Variants in SMAP2 observed in about 807,000 individuals in gnomAD.
SMAP2 encodes stromal membrane-associated protein 2.
Under a neutral mutation model 56.4 loss-of-function variants are expected in SMAP2, and 25 were observed. The observed-to-expected ratio is 0.44, with a 90% CI of 0.32 to 0.62. SMAP2 has a LOEUF of 0.62. SMAP2 is among the 20% of genes least tolerant of loss of function. The pLI is 0.04. For synonymous variants in SMAP2, 157 were observed against 181.7 expected (o/e 0.86, Z 1.09); for missense variants, 388 against 545.6 (o/e 0.71, Z 2.88).
At chr1:40,379,476 A>G (rs995919194) in intron 1 of SMAP2, among the ~76,000 whole-genome samples, 5 of 148,090 alleles carry the variant, frequency 3.4e-5, no homozygotes, top group Non-Finnish European at 7.4e-5. Context: ...CTTTGAAGGT[A>G]TTTTCTAAGG....
At chr1:40,393,310 G>A in intron 1 of SMAP2, 1 of 1,518,252 alleles carries the variant, frequency 6.6e-7, no homozygotes, top group African/African-American at 1.4e-5. Context: ...CCCTATCTTA[G>A]AAGAACAAAC....
chr1:40,349,101 A>G (rs1337164208), intron 1 of SMAP2, among the ~76,000 whole-genome samples: 1 of 152,150 alleles, frequency 6.6e-6, no homozygotes, highest in Non-Finnish European at 1.5e-5. Flanking sequence ...GTGCTTGCTC[A>G]TATTATCTTC....
In SMAP2 at chr1:40,409,758, G is replaced by A; in HGVS notation, c.325G>A (p.Ala109Thr). ...ETFRRPQIDP[A>T]VEGFIRDKYE... ...TCATCCTTAATAAGCTTTTTGCAGAGCTGTTGAAGGATTTATTCGAGACAA... is the reference window on the plus strand; with the variant it reads ...TCATCCTTAATAAGCTTTTTGCAGAACTGTTGAAGGATTTATTCGAGACAA... The change falls in exon 4 of 10, where the codon GCT (alanine) becomes ACT (threonine). Residue 109 changes from alanine to threonine, a missense_variant and splice_region_variant. By Grantham distance (58) the Ala-to-Thr change is moderately conservative (BLOSUM62 0). Transcript: ENST00000372718. 1 of 1,608,372 alleles carries A rather than the reference G, an allele frequency of 6.2e-7. No individual in the cohort carries two copies. The highest frequency in any genetic ancestry group is 8.5e-7 in the Non-Finnish European group (1 of 1,174,974).
rs182704955 is a variant in SMAP2, at chr1:40,407,067, C to T, written c.237+198C>T. Among the ~76,000 whole-genome samples, 5 of 152,250 alleles carry T rather than the reference C, an allele frequency of 3.3e-5. No individual in the cohort carries two copies. In the East Asian group the frequency reaches 9.6e-4, roughly 29 times the overall value. ...TACAAGTTATTCTACCTATATTTTACCTCCTTAAAAACAGAAATAGTCTAC... is the reference window on the plus strand; with the variant it reads ...TACAAGTTATTCTACCTATATTTTATCTCCTTAAAAACAGAAATAGTCTAC... On this transcript the variant is annotated intron_variant, in intron 2 of 9. Coordinates refer to ENST00000372718, the MANE Select transcript of SMAP2 (RefSeq NM_022733.3).
rs28403577 is a variant in SMAP2 at position 40,413,962 on chromosome 1, C to G, written c.490-197C>G. Reference sequence around the variant, plus strand: ...AATCACAGGCGATATCTTTGTTTTTCATTTTAGGTTTGGTTTATGCACTTC... The same window carrying G: ...AATCACAGGCGATATCTTTGTTTTTGATTTTAGGTTTGGTTTATGCACTTC... On this transcript the variant is annotated intron_variant, in intron 5 of 9. Coordinates refer to ENST00000372718, the MANE Select transcript of SMAP2 (RefSeq NM_022733.3). 363 of 549,364 alleles carry G rather than the reference C, an allele frequency of 6.6e-4. 3 individuals carry two copies. In the East Asian group the frequency reaches 8.5e-3, roughly 13 times the overall value. 34.0% of individuals were successfully genotyped at this position (549,364 alleles called of 1,614,324 possible).
rs186627476 is a variant in SMAP2 at position 40,407,319 on chromosome 1, C to G, written c.237+450C>G. Among the ~76,000 whole-genome samples the G allele has an allele frequency of 3.4e-3, 524 of 152,062 alleles. 2 individuals are homozygous for G. The highest frequency in any genetic ancestry group is 0.012 in the African/African-American group (486 of 41,472). ...GGGCAACAGAGTGAGACACCTGTCT[C>G]TACAAAATAAAGAATTAAAAAATTA... On this transcript the variant is annotated intron_variant, in intron 2 of 9. Transcript: ENST00000372718.
At chr1:40,373,628 A>T (rs982292555), upstream of SMAP2, 2 of 153,940 alleles carry the variant, frequency 1.3e-5, no homozygotes, top group Admixed American at 6.5e-5. Context: ...CGAGAGGCGG[A>T]GCTGAAGGAA....
intron 1 of SMAP2, among the ~76,000 whole-genome samples, chr1:40,376,198 G>A (rs1347926500): frequency 6.6e-6 from 1 of 152,076 alleles, no homozygotes; most frequent in Non-Finnish European, 1.5e-5. Flanking sequence ...TGATCCACCC[G>A]CCTCAGCCTT....
At chr1:40,414,275 C>A (rs1336549542) in intron 6 of SMAP2, 35 bp downstream of exon 6, 1 of 1,596,750 alleles carries the variant, frequency 6.3e-7, no homozygotes, top group Admixed American at 1.7e-5. Context: ...CATGTTCTTA[C>A]AAATTTTGAT....
chr1:40,346,021 C>A (rs1198213670), intron 1 of SMAP2, among the ~76,000 whole-genome samples: 1 of 118,310 alleles, frequency 8.5e-6, no homozygotes, highest in Non-Finnish European at 1.6e-5. Flanking sequence ...TGTGTTGAGA[C>A]CCAGGCTGGT....
At chr1:40,375,321 G>C (rs1644531099) in intron 1 of SMAP2, among the ~76,000 whole-genome samples, 1 of 152,216 alleles carries the variant, frequency 6.6e-6, no homozygotes, top group African/African-American at 2.4e-5. Flanking sequence ...TGCCATGGTT[G>C]TTTGCCGTAC....
chr1:40,407,207 G>A (rs932209246), intron 2 of SMAP2, among the ~76,000 whole-genome samples: 8 of 152,090 alleles, frequency 5.3e-5, no homozygotes, highest in East Asian at 3.8e-4. Flanking sequence ...ACTTTTGGTC[G>A]GGCACGGTGG....
At chr1:40,356,435 A>G (rs1489448044) in intron 1 of SMAP2, among the ~76,000 whole-genome samples, 6 of 140,908 alleles carry the variant, frequency 4.3e-5, no homozygotes, top group Non-Finnish European at 6.1e-5. Context: ...TTTTGAGACC[A>G]AGTCTCGCTC....
At chr1:40,352,140 G>A (rs1644411564) in intron 1 of SMAP2, among the ~76,000 whole-genome samples, 1 of 152,168 alleles carries the variant, frequency 6.6e-6, no homozygotes, top group Non-Finnish European at 1.5e-5. Context: ...ATTTCAGGGG[G>A]TTGATATTAT....
chr1:40,347,240 G>GTGTTTTTTTTTTTTTTTTTTTTTTTTTT (rs58284805), intron 1 of SMAP2, among the ~76,000 whole-genome samples: 1 of 88,386 alleles, frequency 1.1e-5, no homozygotes, highest in African/African-American at 4.0e-5. Context: ...GTGTGTGTGT[G>GTGTTTTTTTTTTTTTTTTTTTTTTTTTT]TTTTGTTTTT....
At chr1:40,347,094 A>G (rs749250722) in intron 1 of SMAP2, among the ~76,000 whole-genome samples, 16 of 151,604 alleles carry the variant, frequency 1.1e-4, no homozygotes, top group Non-Finnish European at 2.1e-4. Context: ...CCCAGGCCAG[A>G]GTGCGGTGGC....
At chr1:40,359,775 C>A (rs941351519) in intron 1 of SMAP2, among the ~76,000 whole-genome samples, 1 of 152,142 alleles carries the variant, frequency 6.6e-6, no homozygotes, top group Non-Finnish European at 1.5e-5. Flanking sequence ...ACACTGATTG[C>A]GTAAACAGAC....
chr1:40,403,446 A>G (rs1644855718), intron 1 of SMAP2, among the ~76,000 whole-genome samples: 1 of 152,188 alleles, frequency 6.6e-6, no homozygotes, highest in Admixed American at 6.5e-5. Flanking sequence ...CGGAGGTTGC[A>G]GTGAGCCAAA....
At chr1:40,357,153 T>G (rs1247336925) in intron 1 of SMAP2, among the ~76,000 whole-genome samples, 2 of 152,154 alleles carry the variant, frequency 1.3e-5, no homozygotes, top group African/African-American at 2.4e-5. Flanking sequence ...TTTGGATTGT[T>G]GAGTATTTCC....
Sources: gnomAD v4.1 joint callset for allele counts (sites outside exome capture counted in the v4.1 genomes callset) on GRCh38, gnomAD v4.1.1 for gene constraint, MANE v1.5 for transcripts, NCBI Gene and HGNC (gene_info 2026-07-23, HGNC 2026-07-21) for gene names.